Variants in PPP1R9B observed in about 807,000 individuals in gnomAD.
PPP1R9B encodes protein phosphatase 1 regulatory subunit 9B, also known as neurabin-2.
A neutral mutation model predicts 75.8 loss-of-function variants in PPP1R9B; 17 were observed. That is an observed-to-expected ratio of 0.22 (90% CI 0.15 to 0.34). The LOEUF is 0.34. PPP1R9B is among the 10% of genes least tolerant of loss of function. PPP1R9B has a pLI of 1.00. For missense variants in PPP1R9B, 875 were observed against 1,196.0 expected, an observed-to-expected ratio of 0.73 and a Z score of 3.96; for synonymous variants, 509 against 535.4, an observed-to-expected ratio of 0.95 and a Z score of 0.68.
At chr17:50,140,812 G>A (rs1415862213) in intron 4 of PPP1R9B, among the ~76,000 whole-genome samples, 2 of 152,194 alleles carry the variant, frequency 1.3e-5, no homozygotes, top group African/African-American at 2.4e-5. Context: ...CAAAGGTAGA[G>A]TGGACACAGG....
chr17:50,136,610 C>G (rs1229392141), intron 7 of PPP1R9B, among the ~76,000 whole-genome samples: 1 of 152,202 alleles, frequency 6.6e-6, no homozygotes, highest in Non-Finnish European at 1.5e-5. Context: ...CCATTACTCT[C>G]TGTCCCCTCT....
intron 2 of PPP1R9B, 75 bp from the exon 3 acceptor site, chr17:50,143,793 G>A (rs895534212): frequency 4.3e-5 from 69 of 1,588,900 alleles, no homozygotes; most frequent in Non-Finnish European, 5.1e-5. Context: ...GAATTCCAGG[G>A]CACAGCCCCC....
intron 4 of PPP1R9B, among the ~76,000 whole-genome samples, chr17:50,141,002 A>G (rs1912361845): frequency 6.6e-6 from 1 of 152,134 alleles, no homozygotes; most frequent in Non-Finnish European, 1.5e-5. Context: ...GGGAAGGAGA[A>G]GAAGCCCTAG....
chr17:50,139,187 G>T lies in PPP1R9B; in HGVS notation c.2073+76C>A. The T allele has an allele frequency of 6.5e-7, 1 of 1,527,018 alleles. No individual in the cohort carries two copies. The highest frequency in any genetic ancestry group is 9.1e-7 in the Non-Finnish European group (1 of 1,100,782). 94.6% of individuals were successfully genotyped at this position (1,527,018 alleles called of 1,614,324 possible). A position where few individuals can be genotyped will look rare whatever the true frequency, so the allele number is the denominator to read the frequency against. Reference sequence around the variant, plus strand: ...CTGTGCCTAAGTGTCAGCATGTGCAGGTGTGAGGGTAGGGGGACCCTGCTC... The same window carrying T: ...CTGTGCCTAAGTGTCAGCATGTGCATGTGTGAGGGTAGGGGGACCCTGCTC... On this transcript the variant is annotated intron_variant, in intron 7 of 9. Transcript: ENST00000612501. This position sits in a 1 kb window ranked among gnomAD's most constrained non-coding sequence, Gnocchi z 5.0.
chr17:50,139,281 G>A lies in PPP1R9B; in HGVS notation c.2055C>T (p.Ile685=). 1.2e-6 allele frequency: 2 copies of A among 1,614,052 alleles called. No homozygotes were observed. Among genetic ancestry groups the A allele is most frequent in the South Asian group, 2.2e-5 (2 of 91,080 alleles). The change falls in exon 7 of 10, where the codon ATC becomes ATT. Residue 685 remains isoleucine (I), a synonymous_variant. Transcript: ENST00000612501. This position sits in a 1 kb window ranked among gnomAD's most constrained non-coding sequence, Gnocchi z 5.0. ...QIKHAVTEAE[I]QQLKRKLQSL... is the part of the protein sequence containing the mutation. ...CCCTTACCTTTCTTTTCAGCTGCTG[G>A]ATCTCTGCCTCAGTGACCGCATGCT...
intron 3 of PPP1R9B, 83 bp downstream of exon 3, chr17:50,143,515 C>A: frequency 5.3e-6 from 8 of 1,513,066 alleles, no homozygotes; most frequent in Non-Finnish European, 6.3e-6. Flanking sequence ...GCCCGCCCCA[C>A]CCCCTGCTCA....
intron 2 of PPP1R9B, among the ~76,000 whole-genome samples, chr17:50,144,549 C>A (rs966561962): frequency 2.6e-5 from 4 of 152,196 alleles, no homozygotes; most frequent in Admixed American, 1.3e-4. Flanking sequence ...TTTGCATGCT[C>A]TTCTTGCCCT....
chr17:50,149,642 T>C lies in PPP1R9B; in HGVS notation c.872A>G (p.Lys291Arg). Residue 291 changes from lysine (K) to arginine (R), a missense_variant, in exon 1 of 10, where the codon AAG (lysine) becomes AGG (arginine). Physicochemically the swap from Lys to Arg is conservative, Grantham distance 26. Coordinates refer to ENST00000612501, the MANE Select transcript of PPP1R9B (RefSeq NM_032595.5). This position sits in a 1 kb window ranked among gnomAD's most constrained non-coding sequence, Gnocchi z 7.2. The part of the protein sequence containing the change: ...HRVAPARPPP[K>R]PREVRKIKPV... ...CTTAATCTTGCGCACCTCCCGGGGC[T>C]TGGGGGGCGGCCGGGCAGGGGCCAC... is the stretch of plus-strand genomic sequence containing the variant. 6.6e-7 allele frequency: 1 copy of C among 1,518,304 alleles called. No individual in the cohort carries two copies. The highest frequency in any genetic ancestry group is 8.8e-7 in the Non-Finnish European group (1 of 1,136,176). 94.1% of individuals were successfully genotyped at this position (1,518,304 alleles called of 1,614,324 possible). A position where few individuals can be genotyped will look rare whatever the true frequency, so the allele number is the denominator to read the frequency against.
Position 50,150,118 on chromosome 17 carries a change from C to A in PPP1R9B, c.396G>T (p.Ala132=). 1.4e-6 allele frequency: 2 copies of A among 1,404,490 alleles called. No individual in the cohort carries two copies. The highest frequency in any genetic ancestry group is 1.5e-5 in the African/African-American group (1 of 66,494). 87.0% of individuals were successfully genotyped at this position (1,404,490 alleles called of 1,614,324 possible). The change falls in exon 1 of 10, where the codon GCG becomes GCT. Residue 132 remains alanine (A), a synonymous_variant. Transcript: ENST00000612501. The surrounding 1 kb of genome is among the most constrained non-coding windows in gnomAD (Gnocchi z 8.7). The part of the protein sequence containing the change: ...SRFDSKPAPS[A]QPAPPPHPPS... ...GCGGGTGCGGCGGCGGCGCAGGCTG[C>A]GCGGAGGGCGCGGGCTTGGAGTCGA... is the stretch of plus-strand genomic sequence containing the variant.
In PPP1R9B at chr17:50,143,681, G is replaced by A. The variant is rs190450160; in HGVS notation, c.1542C>T (p.Gly514=). The part of the protein sequence containing the change: ...EGLGISIIGM[G]AGADMGLEKL... ...TCTCCAGGCCCATGTCTGCCCCGGC[G>A]CCCATGCCGATGATGCTGATGCCCA... is the stretch of plus-strand genomic sequence containing the variant. Residue 514 remains glycine (G), a synonymous_variant, in exon 3 of 10, where the codon GGC becomes GGT. Coordinates refer to ENST00000612501, the MANE Select transcript of PPP1R9B (RefSeq NM_032595.5). 30 of 1,613,966 alleles carry A rather than the reference G, an allele frequency of 1.9e-5. No homozygotes were observed. Among genetic ancestry groups the A allele is most frequent in the Non-Finnish European group, 2.3e-5 (27 of 1,179,872 alleles).
At chr17:50,148,171 C>G (rs1912566802) in intron 1 of PPP1R9B, among the ~76,000 whole-genome samples, 3 of 152,192 alleles carry the variant, frequency 2.0e-5, no homozygotes, top group African/African-American at 7.2e-5. Context: ...GTTCCCTCCC[C>G]ATCAGGGCTG....
At chr17:50,147,950 T>C (rs929495748) in intron 1 of PPP1R9B, among the ~76,000 whole-genome samples, 1 of 152,254 alleles carries the variant, frequency 6.6e-6, no homozygotes, top group East Asian at 1.9e-4. Flanking sequence ...CAGATGGTGC[T>C]TTGGCTAGGG....
In PPP1R9B at chr17:50,135,957, CAG is replaced by C; in HGVS notation, c.2303+9_2303+10del. ...CCCTGGGCCCAGCCCGCCCAGCCCC[CAG>C]CCACGTACTTCTGCTGGTAGTCCTT... is the stretch of plus-strand genomic sequence containing the variant. On this transcript the variant is annotated intron_variant, in intron 8 of 9. Transcript: ENST00000612501. 1 of 1,540,686 alleles carries C rather than the reference CAG, an allele frequency of 6.5e-7. No homozygotes were observed. Among genetic ancestry groups the C allele is most frequent in the Non-Finnish European group, 8.8e-7 (1 of 1,136,346 alleles).
At chr17:50,145,620 C>T (rs949394649) in intron 1 of PPP1R9B, among the ~76,000 whole-genome samples, 18 of 151,652 alleles carry the variant, frequency 1.2e-4, no homozygotes, top group Admixed American at 9.8e-4. Context: ...GCCAGACAGG[C>T]GAGAGGGGAC....
chr17:50,144,584 C>G (rs1185773697), intron 2 of PPP1R9B, among the ~76,000 whole-genome samples: 1 of 152,196 alleles, frequency 6.6e-6, no homozygotes, highest in African/African-American at 2.4e-5. Flanking sequence ...AGCCAAGCCC[C>G]TTTCCTGACT....
Position 50,140,193 on chromosome 17 carries a change from C to G in PPP1R9B, c.1766G>C (p.Ser589Thr). The G allele has an allele frequency of 6.2e-7, 1 of 1,607,766 alleles. No homozygotes were observed. The highest frequency in any genetic ancestry group is 8.5e-7 in the Non-Finnish European group (1 of 1,177,220). The change falls in exon 5 of 10, where the codon AGC (serine) becomes ACC (threonine). Residue 589 changes from serine to threonine, a missense_variant. Around this residue, in one of 4 missense-constraint regions of PPP1R9B, gnomAD observed 218 missense variants for 334.6 expected, o/e 0.65. Transcript: ENST00000612501. ...CTGCTGAATTAGCTGGGCCACTTCG[C>G]TCTGCTCTCCCGGCCGCTCCCGGCC... ...MIGRERPGEQ[S>T]EVAQLIQQTL...
At chr17:50,138,587 A>G (rs2144442823) in intron 7 of PPP1R9B, among the ~76,000 whole-genome samples, 1 of 152,108 alleles carries the variant, frequency 6.6e-6, no homozygotes, top group East Asian at 1.9e-4. Flanking sequence ...CTAGAGCAGA[A>G]CTTAGCATGC....
Position 50,135,137 on chromosome 17 carries a change from T to G in PPP1R9B, c.*194A>C, listed in dbSNP as rs557650760. ...GGCTGCCCTTCTAGCCACCTCTGTC[T>G]GCCCAGGCCATCTTAAGGGGGCCTG... On this transcript the variant is annotated 3_prime_UTR_variant, in exon 10 of 10. Coordinates refer to ENST00000612501, the MANE Select transcript of PPP1R9B (RefSeq NM_032595.5). 1.6e-4 allele frequency: 97 copies of G among 592,036 alleles called. No individual in the cohort carries two copies. In the African/African-American group the frequency reaches 1.7e-3, roughly 10 times the overall value. 36.7% of individuals were successfully genotyped at this position (592,036 alleles called of 1,614,324 possible).
In PPP1R9B at chr17:50,135,043, C is replaced by A; in HGVS notation, c.*288G>T. The A allele has an allele frequency of 2.0e-6, 1 of 493,138 alleles. No homozygotes were observed. Among genetic ancestry groups the A allele is most frequent in the Non-Finnish European group, 3.7e-6 (1 of 270,430 alleles). The allele number at this position is 493,138 out of a possible 1,614,324, so 30.5% of individuals were successfully genotyped here. ...CAGTTTGATCTGCAGGTGCTTGTGT[C>A]CGTCGACCACCAGGCCAGCCCTCGG... On this transcript the variant is annotated 3_prime_UTR_variant, in exon 10 of 10. Transcript: ENST00000612501.
Sources: allele counts gnomAD v4.1 joint callset (sites outside exome capture counted in the v4.1 genomes callset), GRCh38; gene constraint gnomAD v4.1.1; regional missense constraint gnomAD v4.1.1; non-coding constraint Gnocchi (gnomAD v3.1); transcripts MANE v1.5; gene names NCBI Gene and HGNC (gene_info 2026-07-23, HGNC 2026-07-21).